CNIH3: variants seen among roughly 807,000 people sequenced by gnomAD.
The protein encoded by CNIH3 is protein cornichon homolog 3.
A neutral mutation model predicts 24.1 loss-of-function variants in CNIH3; 14 were observed. That is an observed-to-expected ratio of 0.58 (90% CI 0.38 to 0.91). The LOEUF (loss-of-function observed/expected upper bound fraction) is 0.91, where lower values mean the gene tolerates loss of function less well. Ranked by LOEUF, CNIH3 falls within the 40% of genes least tolerant of loss-of-function variation. The pLI is 0.00. For synonymous variants in CNIH3, 68 were observed against 73.8 expected (o/e 0.92, Z 0.40); for missense variants, 178 against 196.8 (o/e 0.90, Z 0.57).
intron 1 of CNIH3, among the ~76,000 whole-genome samples, chr1:224,438,940 A>G (rs1288796275): frequency 6.6e-6 from 1 of 152,226 alleles, no homozygotes; most frequent in African/African-American, 2.4e-5. Context: ...TCATTTAGAA[A>G]GGATTTGAGG....
At chr1:224,695,115 A>G (rs78120561) in intron 3 of CNIH3, among the ~76,000 whole-genome samples, 9,278 of 152,250 alleles carry the variant, frequency 0.061, 358 homozygotes, top group East Asian at 0.14. Context: ...TTGGACTTTG[A>G]GTAAAGCACA....
At chr1:224,538,746 A>G (rs1157690717), downstream of CNIH3, among the ~76,000 whole-genome samples, 1 of 150,450 alleles carries the variant, frequency 6.6e-6, no homozygotes, top group Non-Finnish European at 1.5e-5. Context: ...CATAACCTCT[A>G]ACTCCTGGGT....
chr1:224,568,628 C>A (rs1459907318), intron 4 of CNIH3, among the ~76,000 whole-genome samples: 1 of 152,006 alleles, frequency 6.6e-6, no homozygotes, highest in Non-Finnish European at 1.5e-5. Flanking sequence ...GTGGTGCACA[C>A]CTGCAGTCCC....
At chr1:224,593,696 T>A (rs873829) in intron 3 of CNIH3, among the ~76,000 whole-genome samples, 7,281 of 152,172 alleles carry the variant, frequency 0.048, 593 homozygotes, top group African/African-American at 0.16. Context: ...TTAAAAAATT[T>A]AAAAATAAAA....
At chr1:224,539,750 T>C (rs1205137857), downstream of CNIH3, among the ~76,000 whole-genome samples, 1 of 152,234 alleles carries the variant, frequency 6.6e-6, no homozygotes, top group Non-Finnish European at 1.5e-5. Flanking sequence ...TCTCTACCTT[T>C]CCCTGTGCCA....
rs367931393 is a variant in CNIH3, at chr1:224,669,722, C to T, written c.82-11236C>T. 5.2e-4 allele frequency among the ~76,000 whole-genome samples: 79 copies of T among 152,130 alleles called. 1 individual carries two copies. Among genetic ancestry groups the T allele is most frequent in the Non-Finnish European group, 1.9e-4 (13 of 68,032 alleles). On this transcript the variant is annotated intron_variant, in intron 1 of 5. Coordinates refer to ENST00000272133, the MANE Select transcript of CNIH3 (RefSeq NM_152495.2). ...AACTTTACGTGCTAGGCATTGTGCC[C>T]GGTGCTTGTTGTACATTATTTCATT...
intron 4 of CNIH3, among the ~76,000 whole-genome samples, chr1:224,580,304 A>G (rs1399351270): frequency 1.3e-5 from 2 of 152,142 alleles, no homozygotes; most frequent in Non-Finnish European, 2.9e-5. Flanking sequence ...TCTGCTTTCC[A>G]GTTTCCGTTA....
At chr1:224,636,789 A>G (rs956745365) in intron 1 of CNIH3, among the ~76,000 whole-genome samples, 1 of 152,172 alleles carries the variant, frequency 6.6e-6, no homozygotes, top group South Asian at 2.1e-4. Context: ...AAAGCGGTAC[A>G]CATATAATAT....
chr1:224,518,629 C>G (rs1287477465), intron 1 of CNIH3, among the ~76,000 whole-genome samples: 1 of 152,092 alleles, frequency 6.6e-6, no homozygotes, highest in Non-Finnish European at 1.5e-5. Flanking sequence ...GGCATTGAGG[C>G]TTTTTTGTTT....
At chr1:224,728,698 A>G (rs998568869) in intron 3 of CNIH3, among the ~76,000 whole-genome samples, 4 of 152,142 alleles carry the variant, frequency 2.6e-5, no homozygotes, top group Non-Finnish European at 5.9e-5. Context: ...TGAGAGACCA[A>G]AGTCATGGTC....
intron 2 of CNIH3, among the ~76,000 whole-genome samples, chr1:224,544,212 T>G (rs1446319883): frequency 1.3e-5 from 2 of 152,216 alleles, no homozygotes; most frequent in Non-Finnish European, 2.9e-5. Context: ...TCAGAGTCTT[T>G]ATATTTATTG....
intron 3 of CNIH3, among the ~76,000 whole-genome samples, chr1:224,707,446 G>A (rs1266094671): frequency 1.6e-5 from 1 of 63,644 alleles, no homozygotes; most frequent in Non-Finnish European, 3.3e-5. Flanking sequence ...GCCCCACCCC[G>A]CCCCACCCTC....
At chr1:224,679,878 G>T (rs749747430) in intron 1 of CNIH3, among the ~76,000 whole-genome samples, 1 of 152,154 alleles carries the variant, frequency 6.6e-6, no homozygotes, top group African/African-American at 2.4e-5. Flanking sequence ...CCTTCCTGGG[G>T]AGTTGGTTAT....
At chr1:224,487,335 A>G (rs1285049389) in intron 1 of CNIH3, among the ~76,000 whole-genome samples, 1 of 152,210 alleles carries the variant, frequency 6.6e-6, no homozygotes, top group African/African-American at 2.4e-5. Flanking sequence ...TTGTAAACAG[A>G]TGGAGAGAAG....
intron 1 of CNIH3, among the ~76,000 whole-genome samples, chr1:224,620,826 C>A (rs1310081562): frequency 1.3e-5 from 2 of 151,806 alleles, no homozygotes; most frequent in Non-Finnish European, 2.9e-5. Flanking sequence ...ATAGTGAGAC[C>A]CCATTTCTAA....
intron 1 of CNIH3, among the ~76,000 whole-genome samples, chr1:224,506,287 G>GCGCGCA (rs372343004): frequency 3.4e-5 from 5 of 147,426 alleles, no homozygotes; most frequent in Admixed American, 1.4e-4. Context: ...GCGCGCGCGC[G>GCGCGCA]CACACACACA....
intron 1 of CNIH3, among the ~76,000 whole-genome samples, chr1:224,485,043 T>C (rs1291862816): frequency 6.6e-6 from 1 of 152,210 alleles, no homozygotes; most frequent in East Asian, 1.9e-4. Flanking sequence ...ACATTGTCAA[T>C]TTCAGCATAT....
At chr1:224,546,825 C>T in intron 2 of CNIH3, 1 of 857,554 alleles carries the variant, frequency 1.2e-6, no homozygotes, top group Non-Finnish European at 1.4e-6. Context: ...TCATTGTCCT[C>T]CAGTGATCCT....
At chr1:224,508,924 A>G (rs1477667691) in intron 1 of CNIH3, among the ~76,000 whole-genome samples, 4 of 152,246 alleles carry the variant, frequency 2.6e-5, no homozygotes, top group African/African-American at 9.6e-5. Flanking sequence ...AGGGTTTAGT[A>G]GTAGAACTAG....
Sources: gnomAD v4.1 joint callset for allele counts (sites outside exome capture counted in the v4.1 genomes callset) on GRCh38, gnomAD v4.1.1 for gene constraint, MANE v1.5 for transcripts, NCBI Gene and HGNC (gene_info 2026-07-23, HGNC 2026-07-21) for gene names.